Variants in MOB3B observed in about 807,000 individuals in gnomAD.
The protein encoded by MOB3B is MOB kinase activator-like 2B.
A neutral mutation model predicts 18.7 loss-of-function variants in MOB3B; 7 were observed. The ratio of observed to expected loss-of-function variants is 0.37; its 90% CI spans 0.21 to 0.70. The LOEUF is 0.70. Among genes scored for constraint, MOB3B ranks in the 30% least tolerant of loss-of-function variants. The probability of loss-of-function intolerance (pLI) is 0.52; values close to 1 mark genes in which losing one functional copy is unlikely to be tolerated. For synonymous variants in MOB3B, 111 were observed against 99.9 expected (o/e 1.11, Z -0.66); for missense variants, 253 against 281.3 (o/e 0.90, Z 0.72).
intron 2 of MOB3B, among the ~76,000 whole-genome samples, chr9:27,425,452 T>C (rs1314286589): frequency 6.6e-6 from 1 of 151,830 alleles, no homozygotes; most frequent in Non-Finnish European, 1.5e-5. Context: ...AATTCAGGAT[T>C]TCTCAGAATT....
chr9:27,521,268 T>C (rs920532637), intron 1 of MOB3B, among the ~76,000 whole-genome samples: 1 of 152,160 alleles, frequency 6.6e-6, no homozygotes, highest in Non-Finnish European at 1.5e-5. Context: ...TATGGAATTA[T>C]AGTAAAGGGA....
chr9:27,331,905 A>C (rs1467521617), intron 3 of MOB3B, among the ~76,000 whole-genome samples: 4 of 152,256 alleles, frequency 2.6e-5, no homozygotes, highest in African/African-American at 9.6e-5. Flanking sequence ...TGTGCTGGTT[A>C]AAGAAATAAC....
At chr9:27,440,494 C>G (rs1234269852) in intron 2 of MOB3B, among the ~76,000 whole-genome samples, 1 of 151,864 alleles carries the variant, frequency 6.6e-6, no homozygotes, top group African/African-American at 2.4e-5. Context: ...CATGACTACT[C>G]TGACCTGGAT....
chr9:27,475,355 C>CA (rs1239618391), intron 1 of MOB3B, among the ~76,000 whole-genome samples: 5 of 152,142 alleles, frequency 3.3e-5, no homozygotes, highest in Non-Finnish European at 7.4e-5. Flanking sequence ...CCTGCTGACC[C>CA]AAAAAAACTG....
intron 2 of MOB3B, among the ~76,000 whole-genome samples, chr9:27,433,668 G>A (rs937644876): frequency 6.6e-6 from 1 of 152,192 alleles, no homozygotes; most frequent in African/African-American, 2.4e-5. Context: ...AGGTTGCACT[G>A]TGAATTGTCA....
At chr9:27,405,647 C>T (rs139537808) in intron 2 of MOB3B, among the ~76,000 whole-genome samples, 2 of 152,068 alleles carry the variant, frequency 1.3e-5, no homozygotes, top group East Asian at 3.9e-4. Flanking sequence ...TACCCTAATA[C>T]CAAAACCAGA....
chr9:27,374,523 C>G (rs997234142), intron 2 of MOB3B, among the ~76,000 whole-genome samples: 1 of 151,944 alleles, frequency 6.6e-6, no homozygotes, highest in African/African-American at 2.4e-5. Flanking sequence ...GAGAACTGGT[C>G]TTTTGGAATT....
intron 1 of MOB3B, among the ~76,000 whole-genome samples, chr9:27,509,885 C>T (rs181814925): frequency 5.3e-5 from 8 of 152,136 alleles, no homozygotes; most frequent in South Asian, 4.2e-4. Context: ...GCACCGCGTC[C>T]GGCTAATTTT....
At chr9:27,511,184 G>C (rs921287709) in intron 1 of MOB3B, among the ~76,000 whole-genome samples, 2 of 146,884 alleles carry the variant, frequency 1.4e-5, no homozygotes, top group Non-Finnish European at 3.0e-5. Context: ...TTAAGGTAGT[G>C]ATGCTATTAG....
intron 2 of MOB3B, among the ~76,000 whole-genome samples, chr9:27,450,247 T>C (rs1390258439): frequency 6.6e-6 from 1 of 152,176 alleles, no homozygotes; most frequent in Non-Finnish European, 1.5e-5. Context: ...TTAGAGCAAC[T>C]AGACATTCTG....
At chr9:27,333,353 G>GT (rs1475560775) in intron 3 of MOB3B, among the ~76,000 whole-genome samples, 2 of 121,420 alleles carry the variant, frequency 1.6e-5, no homozygotes, top group South Asian at 2.6e-4. Context: ...CCAATGAGCT[G>GT]TTAAAAAAAA....
At chr9:27,489,739 A>ATTTTTTTTTTTTTTTTTTTTTT (rs1554652743) in intron 1 of MOB3B, among the ~76,000 whole-genome samples, 1 of 10,066 alleles carries the variant, frequency 9.9e-5, no homozygotes, top group Non-Finnish European at 3.5e-4. Context: ...TAAGGAAATA[A>ATTTTTTTTTTTTTTTTTTTTTT]TCTTTTTTTT....
intron 1 of MOB3B, among the ~76,000 whole-genome samples, chr9:27,488,472 A>G (rs1819764071): frequency 6.6e-6 from 1 of 152,074 alleles, no homozygotes; most frequent in South Asian, 2.1e-4. Flanking sequence ...CAGTGGTGCA[A>G]TCTTGGCTTA....
At position 27,359,205 on chromosome 9, in the gene MOB3B, G is replaced by T. The variant is rs1277273918; in HGVS notation, c.450C>A (p.Ile150=). ...AAAGGCGGCACAGGATCTTCTTGCAGATCTGAAGGAAGTTCTTTGGGAAGG... is the reference window on the plus strand; with the variant it reads ...AAAGGCGGCACAGGATCTTCTTGCATATCTGAAGGAAGTTCTTTGGGAAGG... ...GVPFPKNFLQ[I]CKKILCRLFR... The change falls in exon 3 of 4, where the codon ATC becomes ATA. Residue 150 remains isoleucine (I), a synonymous_variant. Coordinates refer to ENST00000262244, the MANE Select transcript of MOB3B (RefSeq NM_024761.5). 1 of 1,614,174 alleles carries T rather than the reference G, an allele frequency of 6.2e-7. No homozygotes were observed. Among genetic ancestry groups the T allele is most frequent in the Non-Finnish European group, 8.5e-7 (1 of 1,180,024 alleles).
chr9:27,346,123 G>A (rs1821028025), intron 3 of MOB3B, among the ~76,000 whole-genome samples: 1 of 152,116 alleles, frequency 6.6e-6, no homozygotes, highest in Non-Finnish European at 1.5e-5. Flanking sequence ...ACCTGATGGG[G>A]GGCTTCCTTG....
At chr9:27,439,555 A>T (rs954223387) in intron 2 of MOB3B, among the ~76,000 whole-genome samples, 3 of 152,218 alleles carry the variant, frequency 2.0e-5, no homozygotes, top group Non-Finnish European at 4.4e-5. Flanking sequence ...TATTCAAGAC[A>T]CAATGAGAAA....
chr9:27,357,128 A>ATATATATATATATATATG lies in MOB3B; in HGVS notation c.621+1888_621+1905dup, dbSNP rs1359838688. ...GGACTACTGAGTAATGCAAATATAT[A>ATATATATATATATATATG]TATATATATATATATATGTGTTTTT... On this transcript the variant is annotated intron_variant, in intron 3 of 3. Coordinates refer to ENST00000262244, the MANE Select transcript of MOB3B (RefSeq NM_024761.5). Among the ~76,000 whole-genome samples the ATATATATATATATATATG allele has an allele frequency of 2.1e-4, 17 of 82,810 alleles. 3 individuals carry two copies. The highest frequency in any genetic ancestry group is 4.3e-4 in the South Asian group (1 of 2,332). 54.3% of individuals were successfully genotyped at this position (82,810 alleles called of 152,430 possible).
At chr9:27,411,617 T>G (rs528709401) in intron 2 of MOB3B, among the ~76,000 whole-genome samples, 1 of 152,128 alleles carries the variant, frequency 6.6e-6, no homozygotes, top group Admixed American at 6.6e-5. Context: ...ACAGAAGAAG[T>G]CTTGCTCACA....
intron 2 of MOB3B, among the ~76,000 whole-genome samples, chr9:27,408,875 C>G (rs56783841): frequency 0.076 from 11,518 of 152,208 alleles, 521 homozygotes; most frequent in South Asian, 0.12. Context: ...CCCATGGCAC[C>G]CTTCCTGCCT....
Sources: allele counts gnomAD v4.1 joint callset (sites outside exome capture counted in the v4.1 genomes callset), GRCh38; gene constraint gnomAD v4.1.1; transcripts MANE v1.5; gene names NCBI Gene and HGNC (gene_info 2026-07-23, HGNC 2026-07-21).